ROS1: variants seen among roughly 807,000 people sequenced by gnomAD.
ROS1 encodes the protein ROS proto-oncogene 1, receptor tyrosine kinase.
ROS1 carries 263 observed loss-of-function variants against 273.5 expected under a neutral mutation model. The ratio of observed to expected loss-of-function variants is 0.96; its 90% CI spans 0.87 to 1.06. The LOEUF (loss-of-function observed/expected upper bound fraction) is 1.06, where lower values mean the gene tolerates loss of function less well. Ranked by LOEUF, ROS1 falls within the 50% of genes least tolerant of loss-of-function variation. ROS1 has a pLI of 0.00. For missense variants in ROS1, 2,833 were observed against 2,751.1 expected (o/e 1.03, Z -0.67); for synonymous variants, 1,008 against 954.1 (o/e 1.06, Z -1.04).
chr6:117,397,976 C>A (rs547853613), intron 7 of ROS1, among the ~76,000 whole-genome samples: 6 of 152,216 alleles, frequency 3.9e-5, no homozygotes. Context: ...TGCATCACCA[C>A]TGACTTTTAA....
At chr6:117,369,346 G>C (rs1392863953) in intron 18 of ROS1, among the ~76,000 whole-genome samples, 1 of 152,074 alleles carries the variant, frequency 6.6e-6, no homozygotes, top group Admixed American at 6.6e-5. Flanking sequence ...GTGGATGCTC[G>C]AGGAGCTAGA....
At chr6:117,425,441 C>T in intron 1 of ROS1, 93 bp downstream of exon 1, 10 of 1,318,488 alleles carry the variant, frequency 7.6e-6, no homozygotes, top group South Asian at 6.5e-5. Context: ...AAGAAAACTC[C>T]TCATAAAGAG....
At position 117,378,529 on chromosome 6, in the gene ROS1, C is replaced by T. The variant is rs540218673; in HGVS notation, c.2582+530G>A. Among the ~76,000 whole-genome samples, 93 of 152,198 alleles carry T rather than the reference C, an allele frequency of 6.1e-4. 1 individual carries two copies. Among genetic ancestry groups the T allele is most frequent in the African/African-American group, 2.0e-3 (85 of 41,520 alleles). On this transcript the variant is annotated intron_variant, in intron 18 of 43. Coordinates refer to ENST00000368507, the MANE Select transcript of ROS1 (RefSeq NM_001378902.1). Reference sequence around the variant, plus strand: ...TTGTCTAAACTGATGTAATGGAACACTTAAGATCTGAATATTTCACATTAT... The same window carrying T: ...TTGTCTAAACTGATGTAATGGAACATTTAAGATCTGAATATTTCACATTAT...
At chr6:117,314,826 G>A (rs1323193400) in intron 39 of ROS1, among the ~76,000 whole-genome samples, 1 of 152,156 alleles carries the variant, frequency 6.6e-6, no homozygotes, top group Non-Finnish European at 1.5e-5. Context: ...AGGACCCCCA[G>A]TGGAAGAGCA....
intron 5 of ROS1, among the ~76,000 whole-genome samples, chr6:117,406,912 C>T (rs1288901667): frequency 1.3e-5 from 2 of 152,148 alleles, no homozygotes; most frequent in African/African-American, 4.8e-5. Flanking sequence ...TTGGGTATCA[C>T]CATCCAACAG....
At chr6:117,395,824 T>C (rs1773442613) in intron 9 of ROS1, among the ~76,000 whole-genome samples, 1 of 151,878 alleles carries the variant, frequency 6.6e-6, no homozygotes, top group East Asian at 1.9e-4. Flanking sequence ...ATTAAATAAT[T>C]ATATATAATC....
chr6:117,384,946 C>A (rs558992871), intron 16 of ROS1, among the ~76,000 whole-genome samples: 1 of 152,302 alleles, frequency 6.6e-6, no homozygotes, highest in South Asian at 2.1e-4. Context: ...TACTCTCCTA[C>A]AGCTACAGCC....
chr6:117,322,047 A>G (rs1270047675), intron 35 of ROS1, among the ~76,000 whole-genome samples: 1 of 152,070 alleles, frequency 6.6e-6, no homozygotes, highest in Non-Finnish European at 1.5e-5. Flanking sequence ...TTAAAATACA[A>G]TTATGTCAAT....
At chr6:117,360,738 C>T (rs1562314555) in intron 22 of ROS1, among the ~76,000 whole-genome samples, 1 of 151,978 alleles carries the variant, frequency 6.6e-6, no homozygotes, top group African/African-American at 2.4e-5. Flanking sequence ...GTGATAATTA[C>T]ACAATGTATA....
chr6:117,399,742 T>C lies in ROS1; in HGVS notation c.605-2626A>G, dbSNP rs1383203060. On this transcript the variant is annotated intron_variant, in intron 7 of 43. Coordinates refer to ENST00000368507, the MANE Select transcript of ROS1 (RefSeq NM_001378902.1). ...TGCTTTTCCTGGTGTGGAAGTCACA[T>C]CTTCAAAATAATAAGTCAGAGAATA... Among the ~76,000 whole-genome samples, 3 of 152,206 alleles carry C rather than the reference T, an allele frequency of 2.0e-5. 1 individual carries two copies. The highest frequency in any genetic ancestry group is 4.4e-5 in the Non-Finnish European group (3 of 68,040).
chr6:117,417,757 CA>C (rs1478916779), intron 2 of ROS1, among the ~76,000 whole-genome samples: 2 of 152,174 alleles, frequency 1.3e-5, no homozygotes, highest in Non-Finnish European at 2.9e-5. Flanking sequence ...TGTGTCTTGA[CA>C]AAAAGGGCCT....
intron 18 of ROS1, among the ~76,000 whole-genome samples, chr6:117,378,697 A>T (rs530984749): frequency 6.6e-6 from 1 of 152,320 alleles, no homozygotes; most frequent in African/African-American, 2.4e-5. Context: ...GAGATAATTC[A>T]TGTGGTCCCT....
In ROS1 at chr6:117,353,082, GC is replaced by G. The variant is rs756665058; in HGVS notation, c.4210del (p.Ala1404GlnfsTer12). ...TAKDSTQIYQ[A>X]KKGNGAIVSQ... ...AACGATGGCCCCATTTCCTTTCTTTGCCTGATAAATCTGTGTGCTGTCCTTT... is the reference window on the plus strand; with the variant it reads ...AACGATGGCCCCATTTCCTTTCTTTGCTGATAAATCTGTGTGCTGTCCTTT... On this transcript the variant is annotated frameshift_variant, in exon 27 of 44. Transcript: ENST00000368507. LOFTEE classifies it high-confidence loss of function. The G allele has an allele frequency of 1.2e-6, 2 of 1,613,984 alleles. No homozygotes were observed. Among genetic ancestry groups the G allele is most frequent in the Admixed American group, 1.7e-5 (1 of 60,012 alleles).
intron 5 of ROS1, 78 bp from the exon 6 acceptor site, chr6:117,404,506 G>T: frequency 1.5e-6 from 2 of 1,343,142 alleles, no homozygotes; most frequent in South Asian, 1.4e-5. Flanking sequence ...TCTCATCTAG[G>T]GCTCTCCGTA....
chr6:117,318,404 C>A, intron 37 of ROS1, 152 bp from the exon 38 acceptor site: 2 of 609,500 alleles, frequency 3.3e-6, no homozygotes, highest in East Asian at 2.8e-5. Context: ...TTCTACAAAC[C>A]CTTCAAATGT....
At chr6:117,421,159 T>G (rs1775724233) in intron 1 of ROS1, among the ~76,000 whole-genome samples, 1 of 148,792 alleles carries the variant, frequency 6.7e-6, no homozygotes, top group Non-Finnish European at 1.5e-5. Context: ...TTAGCCATTT[T>G]TATAATATAT....
chr6:117,312,536 T>C (rs550912297), intron 39 of ROS1, among the ~76,000 whole-genome samples: 8 of 152,266 alleles, frequency 5.3e-5, no homozygotes, highest in South Asian at 2.1e-4. Context: ...CCTGTGTACA[T>C]GGAACCCTGC....
At chr6:117,307,771 C>T (rs1775219274) in intron 42 of ROS1, among the ~76,000 whole-genome samples, 1 of 152,102 alleles carries the variant, frequency 6.6e-6, no homozygotes, top group Non-Finnish European at 1.5e-5. Flanking sequence ...AGGTGCCCAG[C>T]TCTTAATCAT....
At chr6:117,324,971 T>G (rs910467807) in intron 34 of ROS1, among the ~76,000 whole-genome samples, 1 of 152,040 alleles carries the variant, frequency 6.6e-6, no homozygotes, top group African/African-American at 2.4e-5. Flanking sequence ...TAAAGTGTTA[T>G]TTTTAAAAAG....
Sources: gnomAD v4.1 joint callset for allele counts (sites outside exome capture counted in the v4.1 genomes callset) on GRCh38, gnomAD v4.1.1 for gene constraint, MANE v1.5 for transcripts, NCBI Gene and HGNC (gene_info 2026-07-23, HGNC 2026-07-21) for gene names.